The following UBE2L3 variants were observed in gnomAD, a reference collection of about 807,000 sequenced individuals.
The protein encoded by UBE2L3 is ubiquitin conjugating enzyme E2 L3, also known as ubiquitin-conjugating enzyme E2 L3.
A neutral mutation model predicts 17.8 loss-of-function variants in UBE2L3; 1 was observed. The observed-to-expected ratio is 0.06, with a 90% CI of 0.02 to 0.27. UBE2L3 has a LOEUF of 0.27. UBE2L3 is among the 10% of genes least tolerant of loss of function. The probability of loss-of-function intolerance (pLI) is 1.00; values close to 1 mark genes in which losing one functional copy is unlikely to be tolerated. For missense variants in UBE2L3, 40 were observed against 192.6 expected (o/e 0.21, Z 4.69); for synonymous variants, 44 against 68.5 (o/e 0.64, Z 1.76).
rs1343638810 is a variant in UBE2L3 at position 21,623,524 on chromosome 22, C to T, written c.*1855C>T. 6.5e-6 allele frequency: 1 copy of T among 152,818 alleles called. No homozygotes were observed. The highest frequency in any genetic ancestry group is 6.5e-5 in the Admixed American group (1 of 15,280). The allele number at this position is 152,818 out of a possible 1,614,324, so 9.5% of individuals were successfully genotyped here. On this transcript the variant is annotated 3_prime_UTR_variant, in exon 4 of 4. Transcript: ENST00000342192. ...ATTTGTTCTTGTTGCTTCTCTGGAT[C>T]CAGAAATGTTGCCATTCTTGGAAAC...
chr22:21,566,222 C>G (rs987206743), upstream of UBE2L3, among the ~76,000 whole-genome samples: 5 of 152,152 alleles, frequency 3.3e-5, no homozygotes, highest in African/African-American at 1.2e-4. Flanking sequence ...ATCCACCCCC[C>G]TCAGCCTCCC....
chr22:21,603,935 A>G (rs1356505268), intron 2 of UBE2L3, among the ~76,000 whole-genome samples: 1 of 132,978 alleles, frequency 7.5e-6, no homozygotes, highest in Non-Finnish European at 1.6e-5. Flanking sequence ...TTTTTCTGAG[A>G]CAGGGTCTCA....
At chr22:21,569,128 C>T (rs984452495) in intron 1 of UBE2L3, among the ~76,000 whole-genome samples, 1 of 150,998 alleles carries the variant, frequency 6.6e-6, no homozygotes, top group African/African-American at 2.4e-5. Context: ...GGCGCGATGG[C>T]TCACGCCTGT....
At chr22:21,594,426 TTTC>T (rs1928418231) in intron 2 of UBE2L3, among the ~76,000 whole-genome samples, 1 of 151,916 alleles carries the variant, frequency 6.6e-6, no homozygotes, top group Non-Finnish European at 1.5e-5. Context: ...CTGTAGATGC[TTTC>T]TTCTTGATGC....
chr22:21,562,593 G>A (rs569774070), intron 1 of UBE2L3, among the ~76,000 whole-genome samples: 1 of 150,658 alleles, frequency 6.6e-6, no homozygotes. Flanking sequence ...GGATGGTCTC[G>A]ATCTCCTGAC....
At chr22:21,617,712 G>C (rs1025778765) in intron 3 of UBE2L3, among the ~76,000 whole-genome samples, 9 of 152,146 alleles carry the variant, frequency 5.9e-5, no homozygotes, top group Non-Finnish European at 8.8e-5. Context: ...GAAAAATGTT[G>C]ATAGAGGGCC....
chr22:21,601,671 A>G (rs1272452098), intron 2 of UBE2L3, among the ~76,000 whole-genome samples: 1 of 151,196 alleles, frequency 6.6e-6, no homozygotes, highest in African/African-American at 2.4e-5. Flanking sequence ...GAGCATAGAA[A>G]CCAGCCTGGG....
At chr22:21,618,582 T>C (rs79791452) in intron 3 of UBE2L3, among the ~76,000 whole-genome samples, 1 of 150,446 alleles carries the variant, frequency 6.6e-6, no homozygotes. Flanking sequence ...TCTCAAAAAA[T>C]ATATATATAT....
intron 1 of UBE2L3, among the ~76,000 whole-genome samples, chr22:21,576,312 T>C (rs1265083683): frequency 2.6e-5 from 4 of 151,520 alleles, no homozygotes; most frequent in African/African-American, 9.7e-5. Flanking sequence ...TTTGTTTTTT[T>C]TTTGAGATGG....
intron 2 of UBE2L3, among the ~76,000 whole-genome samples, chr22:21,601,135 C>T (rs1225646626): frequency 2.0e-5 from 3 of 151,948 alleles, no homozygotes; most frequent in African/African-American, 7.3e-5. Flanking sequence ...CGCGTCATTG[C>T]ACTCCAGCCT....
At chr22:21,590,748 A>G (rs959725795) in intron 1 of UBE2L3, among the ~76,000 whole-genome samples, 4 of 152,176 alleles carry the variant, frequency 2.6e-5, no homozygotes, top group Non-Finnish European at 5.9e-5. Context: ...TTAGCCAAGA[A>G]TCTTACTCTA....
intron 1 of UBE2L3, among the ~76,000 whole-genome samples, chr22:21,584,905 G>A: frequency 6.6e-6 from 1 of 152,142 alleles, no homozygotes; most frequent in East Asian, 1.9e-4. Flanking sequence ...AGGTTGGAGT[G>A]AGCTGAGATC....
intron 2 of UBE2L3, among the ~76,000 whole-genome samples, chr22:21,598,066 G>T (rs1431902244): frequency 6.6e-6 from 1 of 150,444 alleles, no homozygotes; most frequent in Non-Finnish European, 1.5e-5. Flanking sequence ...CTCCCAAAGT[G>T]CTGGGATTAC....
chr22:21,552,285 C>T (rs866465663), intron 1 of UBE2L3, among the ~76,000 whole-genome samples: 127 of 149,906 alleles, frequency 8.5e-4, no homozygotes, highest in South Asian at 4.7e-3. Flanking sequence ...CTACCTTCCA[C>T]GTTCAAGAGA....
intron 1 of UBE2L3, among the ~76,000 whole-genome samples, chr22:21,557,149 G>T (rs1421959447): frequency 3.3e-5 from 5 of 152,250 alleles, no homozygotes; most frequent in African/African-American, 1.2e-4. Flanking sequence ...CAGATCACTT[G>T]AGCTCAGGAG....
intron 2 of UBE2L3, among the ~76,000 whole-genome samples, chr22:21,597,371 A>G (rs976706917): frequency 3.9e-5 from 6 of 152,300 alleles, no homozygotes; most frequent in African/African-American, 7.2e-5. Context: ...CAGTGGCTCA[A>G]TAATGGCTCT....
chr22:21,583,338 C>CT (rs896922569), intron 1 of UBE2L3, among the ~76,000 whole-genome samples: 7 of 152,328 alleles, frequency 4.6e-5, no homozygotes, highest in Admixed American at 3.3e-4. Flanking sequence ...TTTCTCAGTT[C>CT]TTTTAACCCA....
chr22:21,594,016 A>G (rs763477095), intron 2 of UBE2L3, among the ~76,000 whole-genome samples: 2 of 151,946 alleles, frequency 1.3e-5, no homozygotes, highest in Admixed American at 1.3e-4. Flanking sequence ...AAGCTGCACC[A>G]TCTGTCCACC....
In UBE2L3 at chr22:21,621,887, T is replaced by C. The variant is rs1930051831; in HGVS notation, c.*218T>C. 2.1e-6 allele frequency: 1 copy of C among 480,614 alleles called. No individual in the cohort carries two copies. The highest frequency in any genetic ancestry group is 3.1e-5 in the South Asian group (1 of 32,306). The allele number at this position is 480,614 out of a possible 1,614,324, so 29.8% of individuals were successfully genotyped here. A position where few individuals can be genotyped will look rare whatever the true frequency, so the allele number is the denominator to read the frequency against. ...TAAGATGTTCTAGTTCTGCTCTCTT[T>C]GTTTTAAAAATCACTGCTTCAATCT... On this transcript the variant is annotated 3_prime_UTR_variant, in exon 4 of 4. Coordinates refer to ENST00000342192, the MANE Select transcript of UBE2L3 (RefSeq NM_003347.4).
Sources: gnomAD v4.1 joint callset for allele counts (sites outside exome capture counted in the v4.1 genomes callset) on GRCh38, gnomAD v4.1.1 for gene constraint, MANE v1.5 for transcripts, NCBI Gene and HGNC (gene_info 2026-07-23, HGNC 2026-07-21) for gene names.